AKR1C8: variants seen among roughly 807,000 people sequenced by gnomAD.
The protein encoded by AKR1C8 is aldo-keto reductase family 1 member C8, also known as aldo-keto reductase family 1 member C-like protein 1.
the AKR1C8 span, among the ~76,000 whole-genome samples, chr10:5,125,813 A>T: frequency 3.9e-5 from 6 of 152,306 alleles, no homozygotes; most frequent in African/African-American, 1.2e-4. Flanking sequence ...AGACATGAAG[A>T]CAGGTCACAT....
chr10:5,178,922 C>G, the AKR1C8 span, among the ~76,000 whole-genome samples: 1 of 152,302 alleles, frequency 6.6e-6, no homozygotes, highest in South Asian at 2.1e-4. Flanking sequence ...TGGGTCTTGA[C>G]TCTTTATCCA....
At chr10:5,117,888 CATGACCATA>C in the AKR1C8 span, among the ~76,000 whole-genome samples, 2 of 152,178 alleles carry the variant, frequency 1.3e-5, no homozygotes, top group African/African-American at 4.8e-5. Flanking sequence ...GATCTGCCCC[CATGACCATA>C]ATGACTTCAC....
chr10:5,123,847 T>C, the AKR1C8 span: 1 of 1,595,750 alleles, frequency 6.3e-7, no homozygotes, highest in African/African-American at 1.3e-5. Context: ...TAGAAAAACA[T>C]CAGATAATAT....
chr10:5,142,479 C>T, the AKR1C8 span, among the ~76,000 whole-genome samples: 1 of 152,142 alleles, frequency 6.6e-6, no homozygotes, highest in African/African-American at 2.4e-5. Flanking sequence ...CCTCAATAAG[C>T]TTAATCATGT....
chr10:5,157,152 G>T, the AKR1C8 span, among the ~76,000 whole-genome samples: 5 of 152,314 alleles, frequency 3.3e-5, no homozygotes, highest in Admixed American at 1.3e-4. Flanking sequence ...GCACACTGAA[G>T]TATTAGCAAA....
the AKR1C8 span, among the ~76,000 whole-genome samples, chr10:5,145,955 C>T: frequency 1.3e-5 from 2 of 151,880 alleles, no homozygotes; most frequent in Non-Finnish European, 2.9e-5. Context: ...ACCCAAATGT[C>T]CAACAATGAT....
chr10:5,121,659 A>G, the AKR1C8 span, among the ~76,000 whole-genome samples: 1 of 152,114 alleles, frequency 6.6e-6, no homozygotes, highest in Non-Finnish European at 1.5e-5. Flanking sequence ...CCATCTCCAT[A>G]AAAATATTAA....
chr10:5,138,241 A>T, the AKR1C8 span, among the ~76,000 whole-genome samples: 1 of 152,066 alleles, frequency 6.6e-6, no homozygotes, highest in Non-Finnish European at 1.5e-5. Context: ...TCTCAACCAC[A>T]TAAGAAAAAC....
the AKR1C8 span, among the ~76,000 whole-genome samples, chr10:5,163,418 G>T: frequency 3.9e-5 from 6 of 152,140 alleles, no homozygotes; most frequent in Non-Finnish European, 7.3e-5. Flanking sequence ...TAAGCACATT[G>T]TTCTATCATT....
At chr10:5,117,356 T>C in the AKR1C8 span, among the ~76,000 whole-genome samples, 1 of 152,238 alleles carries the variant, frequency 6.6e-6, no homozygotes, top group East Asian at 1.9e-4. Flanking sequence ...TAGGAGATAC[T>C]GGTTCATGGA....
the AKR1C8 span, among the ~76,000 whole-genome samples, chr10:5,133,468 G>A: frequency 6.6e-6 from 1 of 152,108 alleles, no homozygotes; most frequent in South Asian, 2.1e-4. Flanking sequence ...AGAATACAGT[G>A]CAAGTTCCTA....
chr10:5,184,582 G>A, the AKR1C8 span, among the ~76,000 whole-genome samples: 418 of 152,264 alleles, frequency 2.7e-3, 2 homozygotes, highest in African/African-American at 9.7e-3. Flanking sequence ...CTAACCAAGA[G>A]TAGAGTGGCT....
the AKR1C8 span, among the ~76,000 whole-genome samples, chr10:5,144,342 G>A: frequency 6.6e-6 from 1 of 152,138 alleles, no homozygotes; most frequent in Non-Finnish European, 1.5e-5. Context: ...GCTTAGGATT[G>A]ACTTGGCGAT....
At chr10:5,133,287 G>A in the AKR1C8 span, among the ~76,000 whole-genome samples, 66 of 152,088 alleles carry the variant, frequency 4.3e-4, no homozygotes, top group Admixed American at 2.7e-3. Flanking sequence ...TGGTAGGTAC[G>A]GGGTTTCGCT....
the AKR1C8 span, among the ~76,000 whole-genome samples, chr10:5,175,105 C>T: frequency 6.7e-6 from 1 of 149,440 alleles, no homozygotes; most frequent in Non-Finnish European, 1.5e-5. Flanking sequence ...TCTCCTAATG[C>T]TATCCCTCCC....
At chr10:5,177,371 T>A in the AKR1C8 span, among the ~76,000 whole-genome samples, 1 of 152,072 alleles carries the variant, frequency 6.6e-6, no homozygotes, top group Non-Finnish European at 1.5e-5. Flanking sequence ...TGCTGCTGGA[T>A]TCGGTTTGCC....
the AKR1C8 span, chr10:5,162,920 C>T: frequency 3.7e-6 from 2 of 534,710 alleles, no homozygotes; most frequent in South Asian, 2.8e-5. Flanking sequence ...AATGGCCTGT[C>T]CAACCTCCTC....
At chr10:5,180,113 T>A in the AKR1C8 span, among the ~76,000 whole-genome samples, 1 of 152,154 alleles carries the variant, frequency 6.6e-6, no homozygotes, top group African/African-American at 2.4e-5. Context: ...TTTTATCTAC[T>A]TTTGGTCTTT....
chr10:5,139,717 A>G, the AKR1C8 span, among the ~76,000 whole-genome samples: 1 of 152,196 alleles, frequency 6.6e-6, no homozygotes, highest in Non-Finnish European at 1.5e-5. Context: ...AACCTAGGCA[A>G]TACCATTCAG....
Sources: gnomAD v4.1 joint callset for allele counts (sites outside exome capture counted in the v4.1 genomes callset) on GRCh38, gnomAD v4.1.1 for gene constraint, MANE v1.5 for transcripts, NCBI Gene and HGNC (gene_info 2026-07-23, HGNC 2026-07-21) for gene names.